ANO4: variants seen among roughly 807,000 people sequenced by gnomAD.
ANO4 encodes the protein anoctamin-4.
ANO4 carries 69 observed loss-of-function variants against 141.9 expected under a neutral mutation model. The ratio of observed to expected loss-of-function variants is 0.49; its 90% CI spans 0.40 to 0.59. The LOEUF (loss-of-function observed/expected upper bound fraction) is 0.59, where lower values mean the gene tolerates loss of function less well. Among genes scored for constraint, ANO4 ranks in the 20% least tolerant of loss-of-function variants. The probability of loss-of-function intolerance (pLI) is 0.00; values close to 1 mark genes in which losing one functional copy is unlikely to be tolerated. For synonymous variants in ANO4, 350 were observed against 394.3 expected (o/e 0.89, Z 1.33); for missense variants, 894 against 1,162.2 (o/e 0.77, Z 3.36).
intron 5 of ANO4, among the ~76,000 whole-genome samples, chr12:100,949,003 G>T (rs2136198719): frequency 6.6e-6 from 1 of 152,270 alleles, no homozygotes; most frequent in Middle Eastern, 3.4e-3. Flanking sequence ...GGGCCACCTA[G>T]CAAAGAAAGG....
chr12:101,104,776 C>T (rs1276234032), intron 22 of ANO4, among the ~76,000 whole-genome samples: 2 of 150,672 alleles, frequency 1.3e-5, no homozygotes, highest in Non-Finnish European at 3.0e-5. Flanking sequence ...ATTTTTATGT[C>T]AATTAGGCAA....
At chr12:100,903,837 G>A (rs1184572731) in intron 2 of ANO4, among the ~76,000 whole-genome samples, 1 of 152,180 alleles carries the variant, frequency 6.6e-6, no homozygotes, top group Non-Finnish European at 1.5e-5. Flanking sequence ...CACCTTCATT[G>A]CAGCACTAGA....
chr12:100,823,822 A>G (rs2100042009), intron 1 of ANO4, among the ~76,000 whole-genome samples: 1 of 151,990 alleles, frequency 6.6e-6, no homozygotes, highest in South Asian at 2.1e-4. Context: ...ATCTATTTGG[A>G]GAAGGAGCTA....
intron 6 of ANO4, among the ~76,000 whole-genome samples, chr12:100,974,337 C>A (rs969402346): frequency 6.6e-6 from 1 of 151,898 alleles, no homozygotes; most frequent in African/African-American, 2.4e-5. Context: ...CCTTCCCATA[C>A]TGGTTGTGAA....
intron 3 of ANO4, among the ~76,000 whole-genome samples, chr12:100,741,716 A>G (rs145398796): frequency 1.4e-4 from 21 of 152,312 alleles, no homozygotes; most frequent in African/African-American, 3.8e-4. Context: ...AGAAATCACT[A>G]TCTGGGGCTT....
At chr12:100,859,947 AAATT>A (rs1309391364) in intron 1 of ANO4, among the ~76,000 whole-genome samples, 1 of 152,148 alleles carries the variant, frequency 6.6e-6, no homozygotes. Flanking sequence ...ACCTATCATA[AAATT>A]AATTAGCATT....
At chr12:100,776,362 C>G (rs977291236) in intron 3 of ANO4, among the ~76,000 whole-genome samples, 1 of 152,118 alleles carries the variant, frequency 6.6e-6, no homozygotes, top group African/African-American at 2.4e-5. Flanking sequence ...CTCTCCAGAC[C>G]GACCCCAGAG....
At chr12:100,735,143 A>G (rs2031550745) in intron 2 of ANO4, among the ~76,000 whole-genome samples, 1 of 152,150 alleles carries the variant, frequency 6.6e-6, no homozygotes, top group Non-Finnish European at 1.5e-5. Context: ...GAGGTTATTG[A>G]ATCTTCATTT....
At chr12:100,779,418 G>T (rs1399455) in intron 3 of ANO4, among the ~76,000 whole-genome samples, 22,217 of 152,256 alleles carry the variant, frequency 0.15, 1,887 homozygotes, top group Non-Finnish European at 0.18. Flanking sequence ...GAACTGTGTA[G>T]GTGGAGACAA....
At chr12:100,971,460 A>G (rs1417334749) in intron 6 of ANO4, 54 bp downstream of exon 6, 7 of 1,265,514 alleles carry the variant, frequency 5.5e-6, no homozygotes, top group Non-Finnish European at 6.8e-6. Flanking sequence ...TGTAAATCTA[A>G]TGTTCTCCTC....
chr12:100,942,649 T>C, intron 5 of ANO4, 114 bp downstream of exon 5: 2 of 1,152,020 alleles, frequency 1.7e-6, no homozygotes, highest in Non-Finnish European at 2.4e-6. Context: ...TTGGTCAGAG[T>C]TTTCCAGTCT....
At chr12:100,754,538 A>G (rs982894755) in intron 3 of ANO4, among the ~76,000 whole-genome samples, 1 of 152,114 alleles carries the variant, frequency 6.6e-6, no homozygotes, top group African/African-American at 2.4e-5. Context: ...TAGAATTACC[A>G]TATGACCCAA....
chr12:101,048,572 T>C (rs1290705151), intron 14 of ANO4, among the ~76,000 whole-genome samples, 171 bp downstream of exon 14: 1 of 152,214 alleles, frequency 6.6e-6, no homozygotes, highest in Non-Finnish European at 1.5e-5. Flanking sequence ...AACGATATTG[T>C]AGAAGAGAGA....
intron 14 of ANO4, among the ~76,000 whole-genome samples, chr12:101,065,019 A>G (rs917007653): frequency 3.3e-5 from 5 of 152,190 alleles, no homozygotes; most frequent in African/African-American, 7.2e-5. Context: ...TTACTTAATT[A>G]TGTCATCGAA....
At chr12:100,807,505 T>TA (rs1287619406) in intron 1 of ANO4, among the ~76,000 whole-genome samples, 7 of 152,312 alleles carry the variant, frequency 4.6e-5, no homozygotes, top group East Asian at 1.9e-4. Context: ...TGTCTCATTC[T>TA]AAAAAACAAT....
chr12:101,066,832 TG>T, intron 14 of ANO4: 1 of 1,405,138 alleles, frequency 7.1e-7, no homozygotes, highest in Non-Finnish European at 1.0e-6. Context: ...CACTTCAGAT[TG>T]ACATACCTGA....
chr12:100,888,448 G>A (rs565211696), intron 1 of ANO4, among the ~76,000 whole-genome samples: 28 of 152,354 alleles, frequency 1.8e-4, no homozygotes, highest in East Asian at 5.8e-4. Flanking sequence ...TATTGGAGCC[G>A]CGCAAGAGCA....
At chr12:100,721,273 C>T (rs2030853723) in intron 1 of ANO4, among the ~76,000 whole-genome samples, 1 of 152,176 alleles carries the variant, frequency 6.6e-6, no homozygotes, top group Non-Finnish European at 1.5e-5. Context: ...CCCAGGGTTA[C>T]TAGAACGAAT....
chr12:100,794,274 C>T (rs901458713), upstream of ANO4, among the ~76,000 whole-genome samples: 3 of 152,122 alleles, frequency 2.0e-5, no homozygotes, highest in African/African-American at 7.2e-5. Flanking sequence ...GAAGGCACAT[C>T]AGTAGGGCTG....
Sources: allele counts gnomAD v4.1 joint callset (sites outside exome capture counted in the v4.1 genomes callset), GRCh38; gene constraint gnomAD v4.1.1; transcripts MANE v1.5; gene names NCBI Gene and HGNC (gene_info 2026-07-23, HGNC 2026-07-21).